The following FHIT variants were observed in gnomAD, a reference collection of about 807,000 sequenced individuals.
The protein encoded by FHIT is fragile histidine triad diadenosine triphosphatase.
FHIT carries 19 observed loss-of-function variants against 17.9 expected under a neutral mutation model. That is an observed-to-expected ratio of 1.06 (90% CI 0.74 to 1.56). The LOEUF is 1.56. Among genes scored for constraint, FHIT ranks in the 40% most tolerant of loss-of-function variants. The pLI is 0.00. For synonymous variants in FHIT, 81 were observed against 69.7 expected (o/e 1.16, Z -0.81); for missense variants, 248 against 189.2 (o/e 1.31, Z -1.82).
intron 5 of FHIT, among the ~76,000 whole-genome samples, chr3:60,147,469 C>T (rs1381824520): frequency 2.0e-5 from 3 of 152,186 alleles, no homozygotes; most frequent in Admixed American, 6.5e-5. Context: ...AGTGCCTTTG[C>T]GCTCCCACCT....
In FHIT at chr3:61,206,334, G is replaced by GT. The variant is rs552896515; in HGVS notation, c.-212-5670dup. On this transcript the variant is annotated intron_variant, in intron 1 of 9. Transcript: ENST00000492590. ...TTGGTTCCATATGAACTTTAAAGTA[G>GT]TTTTTTCCAATTCTGTGAAGAAAGT... 8.2e-4 allele frequency among the ~76,000 whole-genome samples: 111 copies of GT among 135,572 alleles called. 11 individuals carry two copies. The East Asian group carries it at 0.023, about 28-fold the overall frequency. 88.9% of individuals were successfully genotyped at this position (135,572 alleles called of 152,430 possible).
At chr3:61,182,002 T>A (rs1372065191) in intron 2 of FHIT, among the ~76,000 whole-genome samples, 1 of 152,208 alleles carries the variant, frequency 6.6e-6, no homozygotes, top group African/African-American at 2.4e-5. Flanking sequence ...CATAAGCATT[T>A]AATGAGAAAG....
intron 8 of FHIT, among the ~76,000 whole-genome samples, chr3:59,768,727 T>A (rs1701925331): frequency 6.6e-6 from 1 of 152,230 alleles, no homozygotes; most frequent in Non-Finnish European, 1.5e-5. Context: ...GATAAACTTA[T>A]CACAGTAGAT....
At chr3:60,501,560 G>A (rs1217199422) in intron 5 of FHIT, among the ~76,000 whole-genome samples, 1 of 152,256 alleles carries the variant, frequency 6.6e-6, no homozygotes. Flanking sequence ...GGAGTGGCTG[G>A]CTTTTTGTTT....
intron 3 of FHIT, among the ~76,000 whole-genome samples, chr3:61,036,189 G>T (rs1313608829): frequency 6.6e-6 from 1 of 152,124 alleles, no homozygotes; most frequent in Non-Finnish European, 1.5e-5. Context: ...CTTCACATGG[G>T]GAAAGCAGGG....
intron 3 of FHIT, among the ~76,000 whole-genome samples, chr3:60,825,665 C>T (rs1702085545): frequency 6.6e-6 from 1 of 152,084 alleles, no homozygotes. Context: ...GGGATCTAGG[C>T]TGCCTGCTCC....
intron 5 of FHIT, among the ~76,000 whole-genome samples, chr3:60,511,378 TA>T (rs972626510): frequency 2.6e-4 from 39 of 152,300 alleles, no homozygotes; most frequent in South Asian, 6.2e-4. Flanking sequence ...AACATCGCTT[TA>T]TGTGTTTTAA....
chr3:60,860,678 A>T (rs368679449), intron 3 of FHIT, among the ~76,000 whole-genome samples: 3 of 107,530 alleles, frequency 2.8e-5, no homozygotes, highest in African/African-American at 1.2e-4. Context: ...GTACATATGT[A>T]CATATATATC....
At chr3:59,775,898 C>A (rs1001556235) in intron 8 of FHIT, among the ~76,000 whole-genome samples, 1 of 152,124 alleles carries the variant, frequency 6.6e-6, no homozygotes, top group East Asian at 1.9e-4. Flanking sequence ...AAGTGGTGAG[C>A]GATGGAGAAG....
intron 2 of FHIT, among the ~76,000 whole-genome samples, chr3:61,187,532 A>G (rs907470907): frequency 2.0e-5 from 3 of 152,216 alleles, no homozygotes; most frequent in Non-Finnish European, 4.4e-5. Context: ...CGAGACAGAA[A>G]GTTAACAAGG....
intron 5 of FHIT, among the ~76,000 whole-genome samples, chr3:60,069,994 C>T (rs1050540154): frequency 2.0e-5 from 3 of 152,186 alleles, no homozygotes; most frequent in African/African-American, 7.2e-5. Context: ...TTAGAAGTCA[C>T]CTCTTCCAGG....
chr3:61,122,456 A>C (rs2036486484), intron 2 of FHIT, among the ~76,000 whole-genome samples: 1 of 152,356 alleles, frequency 6.6e-6, no homozygotes, highest in East Asian at 1.9e-4. Context: ...CAAAGACTTC[A>C]TGACTAAAAC....
At chr3:60,997,500 G>T (rs564681625) in intron 3 of FHIT, among the ~76,000 whole-genome samples, 1 of 152,288 alleles carries the variant, frequency 6.6e-6, no homozygotes, top group South Asian at 2.1e-4. Flanking sequence ...TGGGGTGGGA[G>T]TGTTGAGGGG....
rs151115811 is a variant in FHIT at position 60,696,828 on chromosome 3, C to T, written c.-18+125091G>A. Among the ~76,000 whole-genome samples, 7 of 152,300 alleles carry T rather than the reference C, an allele frequency of 4.6e-5. No individual in the cohort carries two copies. In the East Asian group the frequency reaches 1.2e-3, roughly 25 times the overall value. ...TAGGTTGAAGATGTGATTTACTCCA[C>T]TGATATCAACACAACAGAAATCCAG... On this transcript the variant is annotated intron_variant, in intron 4 of 9. Transcript: ENST00000492590.
intron 1 of FHIT, among the ~76,000 whole-genome samples, 184 bp from the exon 2 acceptor site, chr3:61,200,849 A>C (rs2038989711): frequency 6.6e-6 from 1 of 152,216 alleles, no homozygotes; most frequent in Non-Finnish European, 1.5e-5. Context: ...TCAGAAACTG[A>C]AAATGGTGCA....
chr3:60,199,515 G>A (rs1429737541), intron 5 of FHIT, among the ~76,000 whole-genome samples: 2 of 152,056 alleles, frequency 1.3e-5, no homozygotes, highest in Non-Finnish European at 2.9e-5. Flanking sequence ...TGTTCCAAAT[G>A]TCATGTCTTC....
intron 2 of FHIT, among the ~76,000 whole-genome samples, chr3:61,052,812 T>C (rs1314270516): frequency 6.6e-6 from 1 of 152,160 alleles, no homozygotes; most frequent in East Asian, 1.9e-4. Context: ...CCTCCACCTA[T>C]TGAGAGGCTG....
At chr3:60,352,465 ATACAAAAAGCTATGCTTT>A (rs1487615874) in intron 5 of FHIT, among the ~76,000 whole-genome samples, 2 of 152,148 alleles carry the variant, frequency 1.3e-5, no homozygotes, top group South Asian at 2.1e-4. Context: ...CTCATATTTA[ATACAAAAAGCTATGCTTT>A]TTCTAAAAGC....
chr3:60,019,938 A>C (rs1453321637), intron 5 of FHIT, among the ~76,000 whole-genome samples: 1 of 152,198 alleles, frequency 6.6e-6, no homozygotes, highest in Admixed American at 6.5e-5. Flanking sequence ...CTTATGGCAG[A>C]ATAATCGACC....
Sources: allele counts gnomAD v4.1 joint callset (sites outside exome capture counted in the v4.1 genomes callset), GRCh38; gene constraint gnomAD v4.1.1; transcripts MANE v1.5; gene names NCBI Gene and HGNC (gene_info 2026-07-23, HGNC 2026-07-21).